The following ZNF292 variants were observed in gnomAD, a reference collection of about 807,000 sequenced individuals.
ZNF292 encodes zinc finger protein 292, also known as 16 zinc-finger domain protein.
Under a neutral mutation model 217.9 loss-of-function variants are expected in ZNF292, and 26 were observed. The ratio of observed to expected loss-of-function variants is 0.12; its 90% CI spans 0.09 to 0.17. ZNF292 has a LOEUF of 0.17. ZNF292 is among the 10% of genes least tolerant of loss of function. The probability of loss-of-function intolerance (pLI) is 1.00; values close to 1 mark genes in which losing one functional copy is unlikely to be tolerated. For missense variants in ZNF292, 2,904 were observed against 3,175.2 expected (o/e 0.91, Z 2.05); for synonymous variants, 1,257 against 1,124.1 (o/e 1.12, Z -2.37).
At position 87,176,650 on chromosome 6, in the gene ZNF292, A is replaced by T. The variant is rs1031930986; in HGVS notation, c.168+20891A>T. Among the ~76,000 whole-genome samples the T allele has an allele frequency of 6.6e-5, 10 of 152,142 alleles. No homozygotes were observed. The East Asian group carries it at 1.9e-3, about 29-fold the overall frequency. ...CTTCCTTTCACTCTTCACTAGCAAC[A>T]CTCAAGCATTTTTCCCAACTCATCA... On this transcript the variant is annotated intron_variant, in intron 1 of 7. Coordinates refer to ENST00000369577, the MANE Select transcript of ZNF292 (RefSeq NM_015021.3).
chr6:87,239,212 G>A (rs1299363107), intron 5 of ZNF292, among the ~76,000 whole-genome samples: 1 of 152,262 alleles, frequency 6.6e-6, no homozygotes, highest in African/African-American at 2.4e-5. Context: ...CCCAGACGGG[G>A]TGGCGGCCGG....
chr6:87,240,527 A>G (rs376700174), intron 5 of ZNF292, among the ~76,000 whole-genome samples: 6 of 152,060 alleles, frequency 3.9e-5, no homozygotes, highest in Non-Finnish European at 5.9e-5. Context: ...GGTTCAAGCA[A>G]TTCTCCTGCC....
rs34271239 is a variant in ZNF292, at chr6:87,241,417, ATTTTT to A, written c.742-2040_742-2036del. 6.1e-4 allele frequency among the ~76,000 whole-genome samples: 76 copies of A among 124,666 alleles called. 1 individual carries two copies. Among genetic ancestry groups the A allele is most frequent in the African/African-American group, 2.2e-3 (75 of 33,796 alleles). The allele number at this position is 124,666 out of a possible 152,430, so 81.8% of individuals were successfully genotyped here. Reference sequence around the variant, plus strand: ...TTGTGATGAAGTGGAAAGAGCTTGGATTTTTTTTTTTTTTTTTTTTTTGAGACCGA... The same window carrying A: ...TTGTGATGAAGTGGAAAGAGCTTGGATTTTTTTTTTTTTTTTTGAGACCGA... On this transcript the variant is annotated intron_variant, in intron 5 of 7. Transcript: ENST00000369577.
intron 1 of ZNF292, among the ~76,000 whole-genome samples, chr6:87,165,704 GAACAT>G (rs1770889379): frequency 6.6e-6 from 1 of 150,402 alleles, no homozygotes; most frequent in African/African-American, 2.4e-5. Context: ...AGTTGGCCCA[GAACAT>G]TCTTTTATTT....
intron 1 of ZNF292, among the ~76,000 whole-genome samples, chr6:87,191,973 T>C (rs968675381): frequency 1.3e-5 from 2 of 152,204 alleles, no homozygotes; most frequent in Non-Finnish European, 2.9e-5. Context: ...TTTTAATCTT[T>C]ATGTGCCTGA....
At chr6:87,211,640 G>A (rs1348710100) in intron 1 of ZNF292, among the ~76,000 whole-genome samples, 2 of 152,026 alleles carry the variant, frequency 1.3e-5, no homozygotes, top group Non-Finnish European at 2.9e-5. Context: ...TTAGAACAAC[G>A]CCTAGCACAT....
chr6:87,256,544 C>T lies in ZNF292; in HGVS notation c.2915C>T (p.Thr972Met), dbSNP rs368065968. The change falls in exon 8 of 8, where the codon ACG (threonine) becomes ATG (methionine). Residue 972 changes from threonine (T) to methionine (M), a missense_variant. This residue lies in a region of ZNF292 where 687 missense variants were observed against 623.0 expected (regional missense o/e 1.10). Coordinates refer to ENST00000369577, the MANE Select transcript of ZNF292 (RefSeq NM_015021.3). ...SGEALVTDLH[T>M]PVEDTCNDLC... is the part of the protein sequence containing the mutation. Reference sequence around the variant, plus strand: ...GAAGCACTGGTCACAGACTTACATACGCCAGTTGAAGATACTTGTAATGAT... The same window carrying T: ...GAAGCACTGGTCACAGACTTACATATGCCAGTTGAAGATACTTGTAATGAT... 6.0e-5 allele frequency: 96 copies of T among 1,613,384 alleles called. 2 individuals are homozygous for T. Among genetic ancestry groups the T allele is most frequent in the South Asian group, 5.9e-4 (54 of 91,080 alleles).
At chr6:87,165,198 C>T (rs1770875937) in intron 1 of ZNF292, among the ~76,000 whole-genome samples, 1 of 152,146 alleles carries the variant, frequency 6.6e-6, no homozygotes, top group Non-Finnish European at 1.5e-5. Flanking sequence ...TCGCTTTTAA[C>T]ATTCCTTTTG....
In ZNF292 at chr6:87,247,855, A is replaced by T. The variant is rs534260097; in HGVS notation, c.1020+2211A>T. On this transcript the variant is annotated intron_variant, in intron 7 of 7. Coordinates refer to ENST00000369577, the MANE Select transcript of ZNF292 (RefSeq NM_015021.3). ...AGAAAGTATCAAAATGACCAAGCAG[A>T]TCGTAAAAAGAGTCAAAAGAACGTT... 2.6e-5 allele frequency among the ~76,000 whole-genome samples: 4 copies of T among 152,240 alleles called. 1 individual carries two copies. In the South Asian group the frequency reaches 8.3e-4, roughly 31 times the overall value.
rs202042334 is a variant in ZNF292 at position 87,260,897 on chromosome 6, T to A, written c.7268T>A (p.Leu2423His). 3.0e-4 allele frequency: 480 copies of A among 1,610,636 alleles called. 2 individuals carry two copies. The highest frequency in any genetic ancestry group is 2.0e-3 in the South Asian group (182 of 90,550). Residue 2423 changes from leucine to histidine, a missense_variant, in exon 8 of 8, where the codon CTT (leucine) becomes CAT (histidine). Physicochemically the swap from Leu to His is moderately conservative, Grantham distance 99. This residue lies in a region of ZNF292 where 380 missense variants were observed against 355.3 expected (regional missense o/e 1.07). Transcript: ENST00000369577. The part of the protein sequence containing the change: ...SKAFTSQHRN[L>H]LIVFKRCCNS... ...GCATTTACATCACAACACCGAAATC[T>A]TCTTATTGTATTCAAACGGTGTTGC...
intron 5 of ZNF292, among the ~76,000 whole-genome samples, chr6:87,240,905 A>C (rs1774248421): frequency 6.6e-6 from 1 of 152,234 alleles, no homozygotes. Flanking sequence ...CTATGAAGCT[A>C]AACTTAGGTT....
In ZNF292 at chr6:87,172,152, G is replaced by C. The variant is rs76048262; in HGVS notation, c.168+16393G>C. The stretch of plus-strand genomic sequence containing the variant: ...ATGATACCCTATGAGGGAAGGAACT[G>C]CATCCACCTTGTTTGCTACATTTTC... On this transcript the variant is annotated intron_variant, in intron 1 of 7. Coordinates refer to ENST00000369577, the MANE Select transcript of ZNF292 (RefSeq NM_015021.3). Among the ~76,000 whole-genome samples, 1,053 of 152,278 alleles carry C rather than the reference G, an allele frequency of 6.9e-3. 17 individuals are homozygous for C. Among genetic ancestry groups the C allele is most frequent in the African/African-American group, 0.023 (953 of 41,552 alleles).
rs545644233 is a variant in ZNF292, at chr6:87,264,134, A to G, written c.*2333A>G. On this transcript the variant is annotated 3_prime_UTR_variant, in exon 8 of 8. Transcript: ENST00000369577. ...AATTTATAGAATAGCATGTTGGTAA[A>G]TTTTGATACGGAATGTAATGTCTAA... The G allele has an allele frequency of 9.6e-4, 146 of 152,322 alleles. 1 individual carries two copies. The highest frequency in any genetic ancestry group is 3.2e-3 in the African/African-American group (135 of 41,574). The allele number at this position is 152,322 out of a possible 1,614,324, so 9.4% of individuals were successfully genotyped here. A position where few individuals can be genotyped will look rare whatever the true frequency, so the allele number is the denominator to read the frequency against.
At chr6:87,195,782 C>G (rs1474920715) in intron 1 of ZNF292, among the ~76,000 whole-genome samples, 1 of 151,964 alleles carries the variant, frequency 6.6e-6, no homozygotes, top group Non-Finnish European at 1.5e-5. Flanking sequence ...AATTTTAGCC[C>G]TTTGGGAGGC....
At position 87,264,974 on chromosome 6, in the gene ZNF292, T is replaced by G. The variant is rs897107488; in HGVS notation, c.*3173T>G. 4.6e-5 allele frequency among the ~76,000 whole-genome samples: 7 copies of G among 152,138 alleles called. No individual in the cohort carries two copies. Among genetic ancestry groups the G allele is most frequent in the African/African-American group, 9.7e-5 (4 of 41,432 alleles). On this transcript the variant is annotated 3_prime_UTR_variant, in exon 8 of 8. Transcript: ENST00000369577. Reference sequence around the variant, plus strand: ...GGAAGAGACTAATGGATAAGAGAGATAATAAAAAGTAATGTCTAAGGCAGC... The same window carrying G: ...GGAAGAGACTAATGGATAAGAGAGAGAATAAAAAGTAATGTCTAAGGCAGC...
At chr6:87,225,695 C>G (rs1026814599) in intron 4 of ZNF292, among the ~76,000 whole-genome samples, 1 of 152,114 alleles carries the variant, frequency 6.6e-6, no homozygotes, top group African/African-American at 2.4e-5. Flanking sequence ...TACAGTTTTG[C>G]AAGAAGTACC....
chr6:87,163,874 T>G (rs1486032019), intron 1 of ZNF292, among the ~76,000 whole-genome samples: 1 of 152,160 alleles, frequency 6.6e-6, no homozygotes, highest in Non-Finnish European at 1.5e-5. Context: ...ATTGAAAGGA[T>G]AGATTAAAAC....
intron 4 of ZNF292, chr6:87,222,749 A>G (rs1317969602): frequency 2.2e-6 from 1 of 448,862 alleles, no homozygotes; most frequent in Non-Finnish European, 4.5e-6. Flanking sequence ...GTTTTTACCT[A>G]ATGTCCTTTT....
In ZNF292 at chr6:87,193,914, C is replaced by G. The variant is rs768227158; in HGVS notation, c.169-21989C>G. 4.6e-5 allele frequency among the ~76,000 whole-genome samples: 7 copies of G among 152,256 alleles called. No homozygotes were observed. In the South Asian group the frequency reaches 1.5e-3, roughly 32 times the overall value. ...GCATTTTGGATAAAGGATACTCAGC[C>G]TGTACTAATTTATCTTAATGAAATC... On this transcript the variant is annotated intron_variant, in intron 1 of 7. Transcript: ENST00000369577.
Sources: gnomAD v4.1 joint callset for allele counts (sites outside exome capture counted in the v4.1 genomes callset) on GRCh38, gnomAD v4.1.1 for gene constraint, gnomAD v4.1.1 regional missense constraint, MANE v1.5 for transcripts, NCBI Gene and HGNC (gene_info 2026-07-23, HGNC 2026-07-21) for gene names.